Variants in LAMA3 observed in about 807,000 individuals in gnomAD.
LAMA3 encodes the protein laminin subunit alpha 3, also known as laminin subunit alpha-3.
A neutral mutation model predicts 402.0 loss-of-function variants in LAMA3; 281 were observed. The observed-to-expected ratio is 0.70, with a 90% CI of 0.63 to 0.77. The LOEUF is 0.77. Among genes scored for constraint, LAMA3 ranks in the 30% least tolerant of loss-of-function variants. The probability of loss-of-function intolerance (pLI) is 0.00; values close to 1 mark genes in which losing one functional copy is unlikely to be tolerated. For synonymous variants in LAMA3, 1,431 were observed against 1,558.4 expected (o/e 0.92, Z 1.93); for missense variants, 3,840 against 4,215.5 (o/e 0.91, Z 2.47).
intron 60 of LAMA3, among the ~76,000 whole-genome samples, chr18:23,920,072 C>T (rs2081777858): frequency 6.6e-6 from 1 of 152,044 alleles, no homozygotes; most frequent in Non-Finnish European, 1.5e-5. Context: ...AAAAATGACT[C>T]CTAGGTTTGT....
intron 59 of LAMA3, among the ~76,000 whole-genome samples, chr18:23,915,766 G>T (rs1043111422): frequency 6.6e-6 from 1 of 152,024 alleles, no homozygotes; most frequent in Non-Finnish European, 1.5e-5. Context: ...AGCACTTTGG[G>T]AGGTTGAGGT....
chr18:23,844,124 T>C (rs1445032174), intron 29 of LAMA3, among the ~76,000 whole-genome samples: 1 of 152,184 alleles, frequency 6.6e-6, no homozygotes, highest in Non-Finnish European at 1.5e-5. Flanking sequence ...TACCACCTGG[T>C]GTGTGGTGCT....
chr18:23,709,734 A>G, intron 1 of LAMA3: 1 of 488,894 alleles, frequency 2.0e-6, no homozygotes, highest in Non-Finnish European at 3.8e-6. Context: ...AGTCCCATGG[A>G]TTCTTTTCTC....
intron 64 of LAMA3, among the ~76,000 whole-genome samples, chr18:23,929,009 A>C (rs1170001553): frequency 6.6e-6 from 1 of 152,206 alleles, no homozygotes; most frequent in Non-Finnish European, 1.5e-5. Context: ...TCGCGGACTC[A>C]TTTTTATTCT....
At chr18:23,731,927 A>G (rs1024629270) in intron 2 of LAMA3, among the ~76,000 whole-genome samples, 2 of 152,202 alleles carry the variant, frequency 1.3e-5, no homozygotes, top group African/African-American at 4.8e-5. Context: ...TTGAAATTAT[A>G]AAAAATAAAA....
At chr18:23,804,227 C>T (rs2062919630) in intron 12 of LAMA3, among the ~76,000 whole-genome samples, 1 of 152,194 alleles carries the variant, frequency 6.6e-6, no homozygotes, top group African/African-American at 2.4e-5. Context: ...CTGTCGTTCA[C>T]TTATGTGGGC....
chr18:23,876,059 T>A (rs907536866), intron 38 of LAMA3, among the ~76,000 whole-genome samples: 1 of 152,218 alleles, frequency 6.6e-6, no homozygotes. Context: ...ATGCCTGTGG[T>A]TCCAGCTACG....
chr18:23,842,225 CTGT>C (rs2063716751), intron 27 of LAMA3, among the ~76,000 whole-genome samples, 167 bp from the exon 28 acceptor site: 2 of 152,194 alleles, frequency 1.3e-5, no homozygotes, highest in African/African-American at 4.8e-5. Context: ...AAAAAAGCTA[CTGT>C]AAATGTATGT....
At chr18:23,917,037 T>A (rs1004143945) in intron 60 of LAMA3, among the ~76,000 whole-genome samples, 2 of 152,136 alleles carry the variant, frequency 1.3e-5, no homozygotes, top group African/African-American at 4.8e-5. Context: ...CACCCTCAAG[T>A]AGGCCCCAGG....
intron 20 of LAMA3, among the ~76,000 whole-genome samples, chr18:23,823,836 A>G (rs1245440759): frequency 2.0e-5 from 3 of 152,234 alleles, no homozygotes; most frequent in Admixed American, 2.0e-4. Flanking sequence ...TTTTTCCTGA[A>G]AACAAACAAA....
At chr18:23,902,172 A>T (rs2081093752) in intron 48 of LAMA3, among the ~76,000 whole-genome samples, 1 of 152,100 alleles carries the variant, frequency 6.6e-6, no homozygotes, top group Non-Finnish European at 1.5e-5. Flanking sequence ...AAATTTTTTT[A>T]AAAATTAGCT....
At chr18:23,907,958 G>C in intron 54 of LAMA3, 23 bp downstream of exon 54, 4 of 1,611,136 alleles carry the variant, frequency 2.5e-6, no homozygotes, top group Non-Finnish European at 3.4e-6. Flanking sequence ...CTCTGGCCAG[G>C]ACATCTTAGC....
intron 14 of LAMA3, 133 bp downstream of exon 14, chr18:23,813,236 G>T: frequency 1.1e-5 from 7 of 633,732 alleles, no homozygotes; most frequent in Middle Eastern, 2.6e-4. Context: ...GGTCATTGTT[G>T]TTTTTCAAAG....
At chr18:23,904,175 G>T (rs543649967) in intron 50 of LAMA3, 88 bp downstream of exon 50, 15 of 1,508,942 alleles carry the variant, frequency 9.9e-6, no homozygotes, top group Non-Finnish European at 1.3e-5. Context: ...CCCTGGGTTG[G>T]CTGGGTCTCC....
Position 23,846,394 on chromosome 18 carries a change from G to A in LAMA3, c.3817G>A (p.Ala1273Thr). ...GCCTTGTGAGTGCCACCCCACTGGGGCCACCGGCCCTCACTGCAGCCCTGA... is the reference window on the plus strand; with the variant it reads ...GCCTTGTGAGTGCCACCCCACTGGGACCACCGGCCCTCACTGCAGCCCTGA... The part of the protein sequence containing the change: ...ALPCECHPTG[A>T]TGPHCSPEGG... The change falls in exon 31 of 75, where the codon GCC becomes ACC. Residue 1273 changes from alanine to threonine, a missense_variant. Around this residue, in one of 3 missense-constraint regions of LAMA3, gnomAD observed 2,109 missense variants for 2,376.0 expected, o/e 0.89. Transcript: ENST00000313654. 6.2e-7 allele frequency: 1 copy of A among 1,614,124 alleles called. No individual in the cohort carries two copies. The highest frequency in any genetic ancestry group is 1.1e-5 in the South Asian group (1 of 91,086).
intron 2 of LAMA3, among the ~76,000 whole-genome samples, chr18:23,745,640 A>G (rs2061640491): frequency 6.6e-6 from 1 of 152,210 alleles, no homozygotes; most frequent in South Asian, 2.1e-4. Context: ...CTCTAGGCCA[A>G]ACTTTCCTCA....
Position 23,847,520 on chromosome 18 carries a change from C to A in LAMA3, c.3988C>A (p.Pro1330Thr), listed in dbSNP as rs1157597532. Reference sequence around the variant, plus strand: ...GATGACGGGGCAGTGCCGCTGCCCTCCCCGCACGGTCAGGCCCCAGTGTGA... The same window carrying A: ...GATGACGGGGCAGTGCCGCTGCCCTACCCGCACGGTCAGGCCCCAGTGTGA... ...EEMTGQCRCP[P>T]RTVRPQCEVC... Residue 1330 changes from proline to threonine, a missense_variant, in exon 32 of 75, where the codon CCC becomes ACC. Pro to Thr is a conservative substitution (Grantham distance 38, BLOSUM62 -1). This residue lies in a region of LAMA3 where 2,109 missense variants were observed against 2,376.0 expected (regional missense o/e 0.89). Coordinates refer to ENST00000313654, the MANE Select transcript of LAMA3 (RefSeq NM_198129.4). 1 of 1,613,970 alleles carries A rather than the reference C, an allele frequency of 6.2e-7. No individual in the cohort carries two copies. Among genetic ancestry groups the A allele is most frequent in the Non-Finnish European group, 8.5e-7 (1 of 1,180,038 alleles).
chr18:23,842,442 C>T lies in LAMA3; in HGVS notation c.3384C>T (p.Val1128=). ...RGRVPHLGRY[V]FVIHFYQAAH... Reference sequence around the variant, plus strand: ...GTGTACCACACCTGGGCCGATACGTCTTTGTCATCCATTTTTACCAAGCAG... The same window carrying T: ...GTGTACCACACCTGGGCCGATACGTTTTTGTCATCCATTTTTACCAAGCAG... The change falls in exon 28 of 75, where the codon GTC becomes GTT. Residue 1128 remains valine, a synonymous_variant. Coordinates refer to ENST00000313654, the MANE Select transcript of LAMA3 (RefSeq NM_198129.4). 6.2e-7 allele frequency: 1 copy of T among 1,614,162 alleles called. No homozygotes were observed. The highest frequency in any genetic ancestry group is 8.5e-7 in the Non-Finnish European group (1 of 1,180,036).
At chr18:23,813,756 G>A (rs2063123353) in intron 14 of LAMA3, among the ~76,000 whole-genome samples, 1 of 151,816 alleles carries the variant, frequency 6.6e-6, no homozygotes, top group Admixed American at 6.6e-5. Flanking sequence ...TGGCTAGGCT[G>A]GTCTCGAACT....
Sources: allele counts gnomAD v4.1 joint callset (sites outside exome capture counted in the v4.1 genomes callset), GRCh38; gene constraint gnomAD v4.1.1; regional missense constraint gnomAD v4.1.1; transcripts MANE v1.5; gene names NCBI Gene and HGNC (gene_info 2026-07-23, HGNC 2026-07-21).